ZNF362: variants seen among roughly 807,000 people sequenced by gnomAD.
The protein encoded by ZNF362 is rotund homolog.
Under a neutral mutation model 42.9 loss-of-function variants are expected in ZNF362, and 11 were observed. The ratio of observed to expected loss-of-function variants is 0.26; its 90% CI spans 0.16 to 0.42. The LOEUF (loss-of-function observed/expected upper bound fraction) is 0.42. Ranked by LOEUF, ZNF362 falls within the 20% of genes least tolerant of loss-of-function variation. The pLI is 1.00. For missense variants in ZNF362, 362 were observed against 576.2 expected (o/e 0.63, Z 3.81); for synonymous variants, 255 against 257.3 (o/e 0.99, Z 0.09).
At chr1:33,192,619 A>G in the ZNF362 span, among the ~76,000 whole-genome samples, 2 of 152,222 alleles carry the variant, frequency 1.3e-5, no homozygotes, top group Admixed American at 1.3e-4. Context: ...GGTGCAAAAC[A>G]TGACTCAGAA....
the ZNF362 span, among the ~76,000 whole-genome samples, chr1:33,144,193 A>G: frequency 6.7e-6 from 1 of 150,010 alleles, no homozygotes; most frequent in African/African-American, 2.4e-5. Flanking sequence ...CTGGAGTGCA[A>G]TGGCGCGATC....
the ZNF362 span, among the ~76,000 whole-genome samples, chr1:33,154,822 G>T: frequency 6.7e-6 from 1 of 148,856 alleles, no homozygotes; most frequent in Non-Finnish European, 1.5e-5. Context: ...GGCCAGGCGC[G>T]GTGATTCACG....
the ZNF362 span, among the ~76,000 whole-genome samples, chr1:33,199,620 A>G: frequency 2.6e-5 from 4 of 152,252 alleles, no homozygotes; most frequent in African/African-American, 4.8e-5. Context: ...TATGTGGGTA[A>G]AAAATAATGC....
intron 6 of ZNF362, among the ~76,000 whole-genome samples, chr1:33,285,271 G>A (rs1263643667): frequency 6.6e-6 from 1 of 151,966 alleles, no homozygotes; most frequent in South Asian, 2.1e-4. Flanking sequence ...AAAATTAGCC[G>A]AGTGTGGTGG....
chr1:33,222,667 CA>C, the ZNF362 span, among the ~76,000 whole-genome samples: 2 of 152,336 alleles, frequency 1.3e-5, 1 homozygote, highest in African/African-American at 4.8e-5. Flanking sequence ...AAGCTCATTT[CA>C]GCCTCAGGGC....
At chr1:33,286,549 A>G (rs1570404820) in intron 6 of ZNF362, among the ~76,000 whole-genome samples, 1 of 152,084 alleles carries the variant, frequency 6.6e-6, no homozygotes, top group South Asian at 2.1e-4. Flanking sequence ...TAATGGCAGG[A>G]AACCAAACAA....
chr1:33,230,362 C>T, the ZNF362 span, among the ~76,000 whole-genome samples: 2 of 152,142 alleles, frequency 1.3e-5, no homozygotes, highest in Non-Finnish European at 2.9e-5. Flanking sequence ...TCATGGAATC[C>T]TCATACCCAC....
the ZNF362 span, among the ~76,000 whole-genome samples, chr1:33,217,499 C>T: frequency 6.6e-6 from 1 of 152,226 alleles, no homozygotes; most frequent in African/African-American, 2.4e-5. Context: ...CTGCACCCCA[C>T]CTTAATATCC....
chr1:33,189,650 T>TATAC, the ZNF362 span, among the ~76,000 whole-genome samples: 4 of 20,746 alleles, frequency 1.9e-4, no homozygotes, highest in Admixed American at 1.3e-3. Context: ...TATATATATA[T>TATAC]ATATATATAT....
chr1:33,191,692 A>G, the ZNF362 span, among the ~76,000 whole-genome samples: 1 of 152,048 alleles, frequency 6.6e-6, no homozygotes. Flanking sequence ...TTTAGAAGAG[A>G]TGGGGTTTCA....
chr1:33,189,920 G>A, the ZNF362 span, among the ~76,000 whole-genome samples: 1 of 151,512 alleles, frequency 6.6e-6, no homozygotes, highest in African/African-American at 2.4e-5. Flanking sequence ...ACTGTAAAAT[G>A]GGCTTTGGCA....
chr1:33,138,397 C>T, the ZNF362 span, among the ~76,000 whole-genome samples: 313 of 152,236 alleles, frequency 2.1e-3, no homozygotes, highest in African/African-American at 7.3e-3. Flanking sequence ...TGCAGTGGTT[C>T]ATGCCTGTAA....
At chr1:33,235,237 T>C in the ZNF362 span, among the ~76,000 whole-genome samples, 1 of 152,124 alleles carries the variant, frequency 6.6e-6, no homozygotes, top group Non-Finnish European at 1.5e-5. Context: ...TTTCCTGTGC[T>C]GATTTCTCCT....
chr1:33,269,586 G>A (rs2148077666), intron 1 of ZNF362, among the ~76,000 whole-genome samples: 1 of 152,284 alleles, frequency 6.6e-6, no homozygotes. Flanking sequence ...ACCCAGGCTG[G>A]AGTGTAGTGG....
the ZNF362 span, among the ~76,000 whole-genome samples, chr1:33,139,765 G>C: frequency 6.6e-6 from 1 of 152,200 alleles, no homozygotes; most frequent in African/African-American, 2.4e-5. Flanking sequence ...GGGGAGGGCT[G>C]AGTGCTGAGG....
At chr1:33,231,843 T>C in the ZNF362 span, among the ~76,000 whole-genome samples, 1 of 152,176 alleles carries the variant, frequency 6.6e-6, no homozygotes, top group Non-Finnish European at 1.5e-5. Flanking sequence ...AGGCAGCTTC[T>C]AAGGCTCAGG....
At chr1:33,182,109 AG>A in the ZNF362 span, 1 of 151,880 alleles carries the variant, frequency 6.6e-6, no homozygotes, top group Non-Finnish European at 1.5e-5. Context: ...GCGGGACCCA[AG>A]CAACTCCGCC....
chr1:33,245,960 G>C, the ZNF362 span, among the ~76,000 whole-genome samples: 3 of 152,076 alleles, frequency 2.0e-5, no homozygotes, highest in Admixed American at 1.3e-4. Flanking sequence ...AGAGAGGGAG[G>C]GGGAGAGAGA....
the ZNF362 span, among the ~76,000 whole-genome samples, chr1:33,171,295 G>A: frequency 6.6e-6 from 1 of 152,198 alleles, no homozygotes; most frequent in African/African-American, 2.4e-5. Flanking sequence ...GGCTGGAGGC[G>A]GATGTGGTTT....
Sources: gnomAD v4.1 joint callset for allele counts (sites outside exome capture counted in the v4.1 genomes callset) on GRCh38, gnomAD v4.1.1 for gene constraint, MANE v1.5 for transcripts, NCBI Gene and HGNC (gene_info 2026-07-23, HGNC 2026-07-21) for gene names.